JMJD1C: variants seen among roughly 807,000 people sequenced by gnomAD.
The protein encoded by JMJD1C is jumonji domain-containing protein 1C.
A neutral mutation model predicts 245.3 loss-of-function variants in JMJD1C; 31 were observed. The ratio of observed to expected loss-of-function variants is 0.13; its 90% CI spans 0.09 to 0.17. The LOEUF (loss-of-function observed/expected upper bound fraction) is 0.17. JMJD1C is among the 10% of genes least tolerant of loss of function. JMJD1C has a pLI of 1.00. For missense variants in JMJD1C, 2,691 were observed against 3,000.2 expected, an observed-to-expected ratio of 0.90 and a Z score of 2.41; for synonymous variants, 1,057 against 1,017.4, an observed-to-expected ratio of 1.04 and a Z score of -0.74.
intron 3 of JMJD1C, among the ~76,000 whole-genome samples, chr10:63,248,533 A>ATAGATAG (rs772885370): frequency 2.4e-3 from 136 of 56,520 alleles, no homozygotes; most frequent in African/African-American, 9.9e-3. Context: ...TAGATAGATA[A>ATAGATAG]ATAAATAAAT....
intron 22 of JMJD1C, among the ~76,000 whole-genome samples, chr10:63,179,335 G>T (rs571648804): frequency 2.6e-5 from 4 of 152,118 alleles, no homozygotes; most frequent in Non-Finnish European, 4.4e-5. Context: ...CTTGAACCCA[G>T]GAGGTGGAGG....
At chr10:63,351,051 G>A (rs1040467088) in intron 2 of JMJD1C, among the ~76,000 whole-genome samples, 1 of 150,508 alleles carries the variant, frequency 6.6e-6, no homozygotes, top group African/African-American at 2.4e-5. Flanking sequence ...GTTCTTCTCT[G>A]AACTGTGCCT....
At chr10:63,204,483 A>G (rs1225015978) in intron 10 of JMJD1C, 2 of 985,190 alleles carry the variant, frequency 2.0e-6, no homozygotes, top group Non-Finnish European at 2.4e-6. Flanking sequence ...CCTGGAAGGT[A>G]CCTATCTTTT....
intron 2 of JMJD1C, among the ~76,000 whole-genome samples, chr10:63,344,787 C>T (rs974824657): frequency 1.3e-5 from 2 of 151,812 alleles, no homozygotes; most frequent in African/African-American, 2.4e-5. Flanking sequence ...ATACCTATTA[C>T]CACAAGGGGA....
chr10:63,318,256 A>G (rs912834940), intron 2 of JMJD1C, among the ~76,000 whole-genome samples: 2 of 152,088 alleles, frequency 1.3e-5, no homozygotes, highest in Non-Finnish European at 2.9e-5. Flanking sequence ...GACTCGAGGA[A>G]TCCTCCTATC....
Position 63,207,618 on chromosome 10 carries a change from T to C in JMJD1C, c.4051A>G (p.Thr1351Ala), listed in dbSNP as rs1453521404. Residue 1351 changes from threonine (T) to alanine (A), a missense_variant, in exon 10 of 26, where the codon ACT becomes GCT. Thr to Ala is a moderately conservative substitution (Grantham distance 58). Around this residue, in one of 9 missense-constraint regions of JMJD1C, gnomAD observed 1,562 missense variants for 1,490.7 expected, o/e 1.05. Transcript: ENST00000399262. Reference protein sequence around the residue: ...DCLKLAEAGETGRIILPNVNS... With the variant: ...DCLKLAEAGEAGRIILPNVNS... ...ACATTTGGCAAAATGATTCTTCCAG[T>C]TTCTCCGGCTTCTGCTAGTTTGAGG... 3 of 1,614,158 alleles carry C rather than the reference T, an allele frequency of 1.9e-6. No homozygotes were observed. Among genetic ancestry groups the C allele is most frequent in the Admixed American group, 1.7e-5 (1 of 60,024 alleles).
chr10:63,268,029 C>T (rs1228920367), intron 2 of JMJD1C, among the ~76,000 whole-genome samples: 1 of 151,800 alleles, frequency 6.6e-6, no homozygotes, highest in Non-Finnish European at 1.5e-5. Flanking sequence ...TAAAGCTCAC[C>T]ATTTCACATT....
intron 2 of JMJD1C, among the ~76,000 whole-genome samples, chr10:63,286,952 A>G (rs965768829): frequency 6.6e-6 from 1 of 152,190 alleles, no homozygotes; most frequent in African/African-American, 2.4e-5. Flanking sequence ...ACAAAGAAAA[A>G]GTGCCTCAAA....
At chr10:63,359,384 A>G (rs1945136282) in intron 2 of JMJD1C, among the ~76,000 whole-genome samples, 2 of 152,182 alleles carry the variant, frequency 1.3e-5, no homozygotes. Flanking sequence ...ACTAACTTTC[A>G]TTTTCTTAAA....
At chr10:63,398,228 A>G (rs1221322821) in intron 1 of JMJD1C, among the ~76,000 whole-genome samples, 1 of 152,124 alleles carries the variant, frequency 6.6e-6, no homozygotes, top group Admixed American at 6.5e-5. Context: ...CAACTGTTTG[A>G]TATGACTTTT....
upstream of JMJD1C, among the ~76,000 whole-genome samples, chr10:63,468,989 T>C (rs1421428479): frequency 6.6e-6 from 1 of 152,152 alleles, no homozygotes; most frequent in Non-Finnish European, 1.5e-5. Context: ...ACAAACTATT[T>C]TGTTTTTTTA....
At chr10:63,200,719 T>C (rs775487662) in intron 10 of JMJD1C, 42 bp from the exon 11 acceptor site, 2 of 1,538,164 alleles carry the variant, frequency 1.3e-6, no homozygotes, top group South Asian at 1.1e-5. Flanking sequence ...TTATGCTTTG[T>C]AAAAAGTTAA....
chr10:63,423,027 C>T (rs1234380324), intron 1 of JMJD1C, among the ~76,000 whole-genome samples: 2 of 151,276 alleles, frequency 1.3e-5, no homozygotes, highest in African/African-American at 2.4e-5. Flanking sequence ...TGCAATGGCA[C>T]GATATCGGCT....
intron 2 of JMJD1C, among the ~76,000 whole-genome samples, chr10:63,334,417 G>A (rs755741191): frequency 5.3e-4 from 80 of 152,242 alleles, no homozygotes; most frequent in Non-Finnish European, 9.7e-4. Flanking sequence ...ATACACTACA[G>A]AGATTTTGGA....
intron 10 of JMJD1C, chr10:63,204,047 G>C: frequency 1.1e-6 from 1 of 920,174 alleles, no homozygotes; most frequent in Non-Finnish European, 1.3e-6. Flanking sequence ...CCCAGGAGTT[G>C]GAGGCTGCTG....
At chr10:63,365,374 A>G (rs1049283899) in intron 2 of JMJD1C, among the ~76,000 whole-genome samples, 3 of 152,254 alleles carry the variant, frequency 2.0e-5, no homozygotes, top group Non-Finnish European at 4.4e-5. Flanking sequence ...TCTGATCAGA[A>G]GTAAACTAAA....
chr10:63,178,900 T>G (rs1280889227), intron 22 of JMJD1C, among the ~76,000 whole-genome samples: 2 of 152,220 alleles, frequency 1.3e-5, no homozygotes, highest in Non-Finnish European at 2.9e-5. Flanking sequence ...TTTTAAAAAT[T>G]TTGTATAAAT....
chr10:63,295,911 G>A (rs988876824), intron 2 of JMJD1C, among the ~76,000 whole-genome samples: 1 of 147,150 alleles, frequency 6.8e-6, no homozygotes, highest in African/African-American at 2.5e-5. Flanking sequence ...ATGAATACGT[G>A]TATGTATATA....
At chr10:63,269,152 C>T in intron 2 of JMJD1C, 1 of 985,446 alleles carries the variant, frequency 1.0e-6, no homozygotes, top group African/African-American at 1.7e-5. Flanking sequence ...AAAGCCTTTC[C>T]CACTGTACTC....
Sources: gnomAD v4.1 joint callset for allele counts (sites outside exome capture counted in the v4.1 genomes callset) on GRCh38, gnomAD v4.1.1 for gene constraint, gnomAD v4.1.1 regional missense constraint, MANE v1.5 for transcripts, NCBI Gene and HGNC (gene_info 2026-07-23, HGNC 2026-07-21) for gene names.